The following JAKMIP3 variants were observed in gnomAD, a reference collection of about 807,000 sequenced individuals.
JAKMIP3 encodes Janus kinase and microtubule interacting protein 3.
Under a neutral mutation model 118.5 loss-of-function variants are expected in JAKMIP3, and 58 were observed. The ratio of observed to expected loss-of-function variants is 0.49; its 90% CI spans 0.40 to 0.61. The LOEUF (loss-of-function observed/expected upper bound fraction) is 0.61, where lower values mean the gene tolerates loss of function less well. JAKMIP3 is among the 20% of genes least tolerant of loss of function. The pLI is 0.00. For missense variants in JAKMIP3, 950 were observed against 1,109.0 expected, an observed-to-expected ratio of 0.86 and a Z score of 2.04; for synonymous variants, 486 against 451.2, an observed-to-expected ratio of 1.08 and a Z score of -0.98.
intron 23 of JAKMIP3, among the ~76,000 whole-genome samples, chr10:132,175,956 C>T (rs1293964570): frequency 6.6e-6 from 1 of 152,236 alleles, no homozygotes; most frequent in Non-Finnish European, 1.5e-5. Flanking sequence ...CAAGTGTGAA[C>T]AATTAGTCCT....
rs1483726947 is a variant in JAKMIP3, at chr10:132,044,865, A to G, written c.-138+8127A>G. Among the ~76,000 whole-genome samples, 4 of 151,540 alleles carry G rather than the reference A, an allele frequency of 2.6e-5. No individual in the cohort carries two copies. Among genetic ancestry groups the G allele is most frequent in the African/African-American group, 7.3e-5 (3 of 41,210 alleles). On this transcript the variant is annotated intron_variant, in intron 1 of 23. Transcript: ENST00000657785. The surrounding 1 kb of genome is among the most constrained non-coding windows in gnomAD (Gnocchi z 5.3). ...TCCTTTAGGGGCCTCAGCTGAGTAGAATCATGGTATTTGTGCGTGTGTGTG... is the reference window on the plus strand; with the variant it reads ...TCCTTTAGGGGCCTCAGCTGAGTAGGATCATGGTATTTGTGCGTGTGTGTG...
chr10:132,105,585 A>C (rs10781558), intron 2 of JAKMIP3, among the ~76,000 whole-genome samples: 25,873 of 150,622 alleles, frequency 0.17, 2,332 homozygotes, highest in Non-Finnish European at 0.2. Flanking sequence ...AGAAGACAAG[A>C]CAAGCCCTGG....
At chr10:132,107,940 T>C (rs1276563632) in intron 2 of JAKMIP3, among the ~76,000 whole-genome samples, 1 of 152,182 alleles carries the variant, frequency 6.6e-6, no homozygotes, top group Non-Finnish European at 1.5e-5. Context: ...CCAGGGCCCA[T>C]GGAGAACAGA....
intron 19 of JAKMIP3, among the ~76,000 whole-genome samples, chr10:132,158,983 CG>C: frequency 4.4e-5 from 3 of 68,076 alleles, no homozygotes; most frequent in Admixed American, 2.2e-4. Flanking sequence ...GGGGATCTCT[CG>C]CTGTGTGATG....
rs139369880 is a variant in JAKMIP3, at chr10:132,153,791, G to C, written c.2106G>C (p.Ala702=). ...WLQQIEETEA[A]LQRKMVDLES... is the part of the protein sequence containing the mutation. ...AGCAGATTGAGGAGACAGAGGCGGC[G>C]CTGCAGCGGAAGATGGTGGATCTGG... The change falls in exon 18 of 24, where the codon GCG becomes GCC. Residue 702 remains alanine, a synonymous_variant. Coordinates refer to ENST00000684848, the MANE Select transcript of JAKMIP3 (RefSeq NM_001323087.2). 2.5e-6 allele frequency: 4 copies of C among 1,613,058 alleles called. No individual in the cohort carries two copies. Among genetic ancestry groups the C allele is most frequent in the Non-Finnish European group, 3.4e-6 (4 of 1,179,850 alleles).
chr10:132,071,443 T>C (rs902735252), intron 1 of JAKMIP3, among the ~76,000 whole-genome samples: 1 of 152,218 alleles, frequency 6.6e-6, no homozygotes, highest in Non-Finnish European at 1.5e-5. Flanking sequence ...ATGGTGGTGT[T>C]GAAATCTTCT....
intron 11 of JAKMIP3, among the ~76,000 whole-genome samples, 178 bp downstream of exon 11, chr10:132,142,226 C>G (rs1207237678): frequency 5.3e-5 from 8 of 152,112 alleles, no homozygotes; most frequent in Admixed American, 5.2e-4. Context: ...GATTGGGGAT[C>G]CCGGTGCTGG....
At chr10:132,171,611 C>T (rs1186117404) in intron 23 of JAKMIP3, among the ~76,000 whole-genome samples, 1 of 151,700 alleles carries the variant, frequency 6.6e-6, no homozygotes, top group East Asian at 1.9e-4. Context: ...GTGTACCCTT[C>T]AGCCTGCTTC....
intron 23 of JAKMIP3, among the ~76,000 whole-genome samples, chr10:132,180,236 A>G (rs924346253): frequency 1.3e-5 from 2 of 152,134 alleles, no homozygotes; most frequent in African/African-American, 4.8e-5. Flanking sequence ...AGGCCTGTCC[A>G]CAGAGACACT....
At chr10:132,163,441 G>A (rs766512156) in intron 20 of JAKMIP3, 29 bp downstream of exon 20, 22 of 1,562,450 alleles carry the variant, frequency 1.4e-5, no homozygotes, top group Middle Eastern at 2.3e-4. Flanking sequence ...CAGGGCTGGC[G>A]TGAAGACCTG....
At chr10:132,180,248 T>C (rs1283886583) in intron 23 of JAKMIP3, among the ~76,000 whole-genome samples, 1 of 152,036 alleles carries the variant, frequency 6.6e-6, no homozygotes, top group African/African-American at 2.4e-5. Flanking sequence ...AGAGACACTC[T>C]TGAGTGAGGA....
chr10:132,082,177 G>C (rs948571933), intron 1 of JAKMIP3, among the ~76,000 whole-genome samples: 2 of 148,658 alleles, frequency 1.3e-5, no homozygotes, highest in African/African-American at 4.9e-5. Context: ...TTTGGGGGGG[G>C]GGGCTGAATT....
At chr10:132,126,364 A>G (rs931957074) in intron 3 of JAKMIP3, among the ~76,000 whole-genome samples, 2 of 151,082 alleles carry the variant, frequency 1.3e-5, no homozygotes, top group Admixed American at 6.6e-5. Context: ...GTGCAGTGGT[A>G]AGATCACAGC....
rs1589972921 is a variant in JAKMIP3 at position 132,155,118 on chromosome 10, A to T, written c.2220+1128A>T. Among the ~76,000 whole-genome samples, 5 of 115,344 alleles carry T rather than the reference A, an allele frequency of 4.3e-5. 1 individual carries two copies. In the South Asian group the frequency reaches 1.5e-3, roughly 36 times the overall value. 75.7% of individuals were successfully genotyped at this position (115,344 alleles called of 152,430 possible). On this transcript the variant is annotated intron_variant, in intron 19 of 23. Transcript: ENST00000684848. Reference sequence around the variant, plus strand: ...GATGATGATGGTGGCGATGATGGTCATGATGATGGTGATGGTGGTGATATG... The same window carrying T: ...GATGATGATGGTGGCGATGATGGTCTTGATGATGGTGATGGTGGTGATATG...
intron 1 of JAKMIP3, among the ~76,000 whole-genome samples, chr10:132,046,155 T>C (rs1341796993): frequency 6.6e-6 from 1 of 151,844 alleles, no homozygotes; most frequent in Non-Finnish European, 1.5e-5. Context: ...TGACTTCACA[T>C]AGATAAAGCC....
At chr10:132,149,557 C>CCCGCCCCACCCCCTCTCCGCCA in intron 15 of JAKMIP3, 47 bp downstream of exon 15, 1 of 840,560 alleles carries the variant, frequency 1.2e-6, no homozygotes, top group Non-Finnish European at 1.7e-6. Context: ...TCACCCATCC[C>CCCGCCCCACCCCCTCTCCGCCA]CCGCCCCACC....
chr10:132,159,032 GTCTCTTCCT>G (rs2057450009), intron 19 of JAKMIP3, among the ~76,000 whole-genome samples: 6 of 76,954 alleles, frequency 7.8e-5, no homozygotes, highest in Admixed American at 1.5e-4. Context: ...GCTGGGGGGG[GTCTCTTCCT>G]GTGTGATGTC....
At chr10:132,180,634 C>CGCGTGT (rs1554963016) in intron 23 of JAKMIP3, among the ~76,000 whole-genome samples, 1 of 12,822 alleles carries the variant, frequency 7.8e-5, no homozygotes, top group African/African-American at 4.6e-4. Context: ...TGCGTGTGTG[C>CGCGTGT]GTGCGTGTGT....
chr10:132,111,618 C>T (rs80170615), intron 2 of JAKMIP3, among the ~76,000 whole-genome samples: 1 of 151,928 alleles, frequency 6.6e-6, no homozygotes, highest in East Asian at 1.9e-4. Context: ...TTACTGATCA[C>T]TATGCTGGAA....
Sources: gnomAD v4.1 joint callset for allele counts (sites outside exome capture counted in the v4.1 genomes callset) on GRCh38, gnomAD v4.1.1 for gene constraint, Gnocchi (gnomAD v3.1) non-coding constraint, MANE v1.5 for transcripts, NCBI Gene and HGNC (gene_info 2026-07-23, HGNC 2026-07-21) for gene names.